Variants in ITGA8 observed in about 807,000 individuals in gnomAD.
ITGA8 encodes integrin alpha-8.
Under a neutral mutation model 142.3 loss-of-function variants are expected in ITGA8, and 91 were observed. That is an observed-to-expected ratio of 0.64 (90% CI 0.54 to 0.76). The LOEUF (loss-of-function observed/expected upper bound fraction) is 0.76, where lower values mean the gene tolerates loss of function less well. Among genes scored for constraint, ITGA8 ranks in the 30% least tolerant of loss-of-function variants. The pLI is 0.00. For missense variants in ITGA8, 1,406 were observed against 1,327.7 expected (o/e 1.06, Z -0.92); for synonymous variants, 505 against 485.2 (o/e 1.04, Z -0.54).
Position 15,558,220 on chromosome 10 carries a change from G to A in ITGA8, c.2638-18C>T. ...GCAGCAGGCTGCAAAAAGAAAGTGGGAGATACCACATTAAAAACACATGAA... is the reference window on the plus strand; with the variant it reads ...GCAGCAGGCTGCAAAAAGAAAGTGGAAGATACCACATTAAAAACACATGAA... On this transcript the variant is annotated intron_variant, in intron 25 of 29. Transcript: ENST00000378076. 6.2e-7 allele frequency: 1 copy of A among 1,613,630 alleles called. No individual in the cohort carries two copies. The highest frequency in any genetic ancestry group is 8.5e-7 in the Non-Finnish European group (1 of 1,179,786).
intron 15 of ITGA8, among the ~76,000 whole-genome samples, chr10:15,609,906 A>G (rs1833261254): frequency 1.3e-5 from 2 of 152,218 alleles, no homozygotes; most frequent in Non-Finnish European, 2.9e-5. Context: ...TAATTTTTAA[A>G]AAGGAATAAA....
intron 27 of ITGA8, among the ~76,000 whole-genome samples, chr10:15,535,279 C>T (rs1044191935): frequency 5.9e-5 from 9 of 152,292 alleles, no homozygotes; most frequent in East Asian, 3.9e-4. Flanking sequence ...CCCTGCTCCA[C>T]GGTACCCAGT....
At chr10:15,599,804 C>T (rs1254105194) in intron 20 of ITGA8, among the ~76,000 whole-genome samples, 3 of 152,090 alleles carry the variant, frequency 2.0e-5, no homozygotes, top group Non-Finnish European at 2.9e-5. Flanking sequence ...GCCTGTAATC[C>T]CAGCTACTAG....
chr10:15,655,658 C>T (rs1242369469), intron 10 of ITGA8, among the ~76,000 whole-genome samples: 1 of 152,174 alleles, frequency 6.6e-6, no homozygotes, highest in Non-Finnish European at 1.5e-5. Context: ...CCCATTTAAT[C>T]TGTGGACACA....
chr10:15,601,397 G>A (rs1833101970), intron 20 of ITGA8, among the ~76,000 whole-genome samples: 2 of 152,118 alleles, frequency 1.3e-5, no homozygotes, highest in South Asian at 4.1e-4. Flanking sequence ...AAGTAGAATG[G>A]TGCTTACCAG....
intron 2 of ITGA8, among the ~76,000 whole-genome samples, chr10:15,713,002 T>A (rs45462498): frequency 2.6e-5 from 4 of 152,252 alleles, no homozygotes; most frequent in Non-Finnish European, 4.4e-5. Flanking sequence ...CAACTAGCCA[T>A]ACAGCAGATC....
chr10:15,683,978 A>G, intron 4 of ITGA8, 26 bp downstream of exon 4: 1 of 1,613,422 alleles, frequency 6.2e-7, no homozygotes. Context: ...AGCTAATGTC[A>G]GTTTCAAGGA....
chr10:15,626,994 GT>G (rs1247834699), intron 13 of ITGA8, among the ~76,000 whole-genome samples: 1 of 152,108 alleles, frequency 6.6e-6, no homozygotes, highest in Non-Finnish European at 1.5e-5. Flanking sequence ...TACACAGGTG[GT>G]TCCCTATACT....
chr10:15,598,191 T>G (rs1833040479), intron 20 of ITGA8, among the ~76,000 whole-genome samples: 1 of 152,176 alleles, frequency 6.6e-6, no homozygotes, highest in African/African-American at 2.4e-5. Context: ...CCATCACCTT[T>G]GTTCCAAAAG....
chr10:15,570,005 CTTGA>C (rs1747124634), intron 25 of ITGA8, among the ~76,000 whole-genome samples: 1 of 152,036 alleles, frequency 6.6e-6, no homozygotes, highest in Non-Finnish European at 1.5e-5. Context: ...TGTAAACTCT[CTTGA>C]TTATCTGTTT....
chr10:15,639,294 T>C (rs1833827363), intron 13 of ITGA8, among the ~76,000 whole-genome samples: 1 of 152,072 alleles, frequency 6.6e-6, no homozygotes, highest in Non-Finnish European at 1.5e-5. Flanking sequence ...AACCAGTTCT[T>C]GGCAAAAGAG....
At chr10:15,653,981 C>T (rs139691405) in intron 11 of ITGA8, among the ~76,000 whole-genome samples, 1,916 of 151,986 alleles carry the variant, frequency 0.013, 26 homozygotes, top group African/African-American at 0.044. Context: ...ATTACAGGCA[C>T]CCACCACCAT....
chr10:15,523,799 G>T (rs1033940932), intron 28 of ITGA8, among the ~76,000 whole-genome samples: 4 of 151,610 alleles, frequency 2.6e-5, no homozygotes, highest in Non-Finnish European at 5.9e-5. Context: ...GGTGGTGGTG[G>T]TGCATACCTG....
intron 15 of ITGA8, among the ~76,000 whole-genome samples, chr10:15,609,551 C>G (rs117300429): frequency 0.011 from 1,729 of 152,266 alleles, 11 homozygotes; most frequent in Non-Finnish European, 0.017. Flanking sequence ...GAAATGTCTA[C>G]GCTATTACAA....
In ITGA8 at chr10:15,719,911, T is replaced by C. The variant is rs2131748588; in HGVS notation, c.-140A>G. The stretch of plus-strand genomic sequence containing the variant: ...GCGCTCGGCGCACCCGTGGTGACAG[T>C]GCCCGGCGTCTGCTCCCACCCGCCC... On this transcript the variant is annotated 5_prime_UTR_variant, in exon 1 of 30. Coordinates refer to ENST00000378076, the MANE Select transcript of ITGA8 (RefSeq NM_003638.3). 1 of 623,632 alleles carries C rather than the reference T, an allele frequency of 1.6e-6. No individual in the cohort carries two copies. Among genetic ancestry groups the C allele is most frequent in the African/African-American group, 1.9e-5 (1 of 52,514 alleles). The allele number at this position is 623,632 out of a possible 1,614,324, so 38.6% of individuals were successfully genotyped here. A position where few individuals can be genotyped will look rare whatever the true frequency, so the allele number is the denominator to read the frequency against.
chr10:15,696,145 C>A (rs1835048067), intron 2 of ITGA8, among the ~76,000 whole-genome samples: 1 of 152,312 alleles, frequency 6.6e-6, no homozygotes, highest in South Asian at 2.1e-4. Context: ...TCGGGTTACC[C>A]CGGGAGGACT....
intron 22 of ITGA8, 79 bp from the exon 23 acceptor site, chr10:15,586,743 C>T: frequency 3.6e-6 from 3 of 826,876 alleles, no homozygotes; most frequent in South Asian, 1.5e-5. Context: ...AAACATTCTA[C>T]ATATCACAGG....
At chr10:15,562,252 G>A (rs1280032511) in intron 25 of ITGA8, among the ~76,000 whole-genome samples, 2 of 152,342 alleles carry the variant, frequency 1.3e-5, no homozygotes, top group East Asian at 1.9e-4. Context: ...AGTGGTGAAG[G>A]TTTAGACAAG....
intron 26 of ITGA8, among the ~76,000 whole-genome samples, chr10:15,556,659 G>A (rs1833894538): frequency 6.6e-6 from 1 of 152,164 alleles, no homozygotes; most frequent in Admixed American, 6.5e-5. Context: ...TCACATCAGG[G>A]TAAATGAGGT....
Sources: gnomAD v4.1 joint callset for allele counts (sites outside exome capture counted in the v4.1 genomes callset) on GRCh38, gnomAD v4.1.1 for gene constraint, MANE v1.5 for transcripts, NCBI Gene and HGNC (gene_info 2026-07-23, HGNC 2026-07-21) for gene names.